TMEM177: variants seen among roughly 807,000 people sequenced by gnomAD.
TMEM177 encodes transmembrane protein 177.
A neutral mutation model predicts 14.2 loss-of-function variants in TMEM177; 4 were observed. That is an observed-to-expected ratio of 0.28 (90% CI 0.14 to 0.64). The LOEUF is 0.64. Among genes scored for constraint, TMEM177 ranks in the 30% least tolerant of loss-of-function variants. The pLI, the probability that TMEM177 is intolerant of heterozygous loss-of-function variation, is 0.82. For synonymous variants in TMEM177, 179 were observed against 174.5 expected (o/e 1.03, Z -0.20); for missense variants, 344 against 405.2 (o/e 0.85, Z 1.30).
At chr2:119,723,528 C>G in the TMEM177 span, among the ~76,000 whole-genome samples, 1 of 152,204 alleles carries the variant, frequency 6.6e-6, no homozygotes, top group East Asian at 1.9e-4. Flanking sequence ...CCAGGATCTG[C>G]TGATCAATTA....
At chr2:119,704,370 T>G in the TMEM177 span, among the ~76,000 whole-genome samples, 2 of 152,112 alleles carry the variant, frequency 1.3e-5, no homozygotes, top group Admixed American at 1.3e-4. Flanking sequence ...GAGGCTGAGG[T>G]GGGTGGATCA....
chr2:119,706,676 A>G, the TMEM177 span, among the ~76,000 whole-genome samples: 1 of 152,174 alleles, frequency 6.6e-6, no homozygotes, highest in Non-Finnish European at 1.5e-5. Context: ...AGTGGGTTAA[A>G]TAAGAGATTT....
downstream of TMEM177, among the ~76,000 whole-genome samples, chr2:119,683,658 C>G (rs796234873): frequency 1.1e-4 from 17 of 152,342 alleles, no homozygotes; most frequent in African/African-American, 3.4e-4. Context: ...CCCTCTGCTC[C>G]AAGTCACAGA....
chr2:119,703,809 A>G, the TMEM177 span, among the ~76,000 whole-genome samples: 2 of 152,182 alleles, frequency 1.3e-5, no homozygotes, highest in African/African-American at 2.4e-5. Flanking sequence ...CCAGGACTGC[A>G]GCTTCCACTG....
At chr2:119,721,275 T>G in the TMEM177 span, among the ~76,000 whole-genome samples, 11 of 152,216 alleles carry the variant, frequency 7.2e-5, no homozygotes, top group Admixed American at 4.6e-4. Context: ...GCCAATGGAA[T>G]GGCACTCTGA....
chr2:119,708,781 A>G, the TMEM177 span, among the ~76,000 whole-genome samples: 1 of 152,070 alleles, frequency 6.6e-6, no homozygotes, highest in African/African-American at 2.4e-5. Flanking sequence ...CTTCTCTCAC[A>G]GGGCACACAC....
the TMEM177 span, among the ~76,000 whole-genome samples, chr2:119,701,606 C>T: frequency 6.6e-6 from 1 of 152,180 alleles, no homozygotes; most frequent in Non-Finnish European, 1.5e-5. Flanking sequence ...CCAGTGAATC[C>T]CAGTGTAACC....
chr2:119,718,047 G>A, the TMEM177 span, among the ~76,000 whole-genome samples: 1 of 152,162 alleles, frequency 6.6e-6, no homozygotes, highest in African/African-American at 2.4e-5. Context: ...CAGCACCAAG[G>A]GAGTGGGGGC....
chr2:119,684,486 G>A (rs72834877), downstream of TMEM177, among the ~76,000 whole-genome samples: 1,646 of 152,328 alleles, frequency 0.011, 43 homozygotes, highest in Admixed American at 0.054. Context: ...ATCTGCAGTG[G>A]CAGGATCGTG....
the TMEM177 span, chr2:119,699,034 T>C: frequency 9.9e-6 from 2 of 201,160 alleles, no homozygotes; most frequent in Non-Finnish European, 2.1e-5. Context: ...ACTGCCCAGG[T>C]CATCAAGGGT....
chr2:119,723,045 T>C, the TMEM177 span, among the ~76,000 whole-genome samples: 3 of 152,234 alleles, frequency 2.0e-5, no homozygotes, highest in Non-Finnish European at 2.9e-5. Flanking sequence ...CCTAGTTTTC[T>C]CAGGCCTAAT....
rs1390036520 is a variant in TMEM177, at chr2:119,681,487, G to T, written c.634G>T (p.Gly212Cys). The T allele has an allele frequency of 7.4e-6, 12 of 1,613,462 alleles. No individual in the cohort carries two copies. Among genetic ancestry groups the T allele is most frequent in the Non-Finnish European group, 1.0e-5 (12 of 1,180,058 alleles). ...AAFSLVAAVA[G>C]FVAYAFSQDS... ...CTTCAGCTTGGTGGCAGCAGTGGCA[G>T]GCTTTGTGGCCTACGCCTTCTCCCA... Residue 212 changes from glycine (G) to cysteine (C), a missense_variant, in exon 2 of 2, where the codon GGC (glycine) becomes TGC (cysteine). Coordinates refer to ENST00000272521, the MANE Select transcript of TMEM177 (RefSeq NM_030577.3).
the TMEM177 span, among the ~76,000 whole-genome samples, chr2:119,716,599 G>C: frequency 6.6e-6 from 1 of 152,168 alleles, no homozygotes; most frequent in Admixed American, 6.5e-5. Context: ...TTGACTTGGA[G>C]CTCCACATGC....
At chr2:119,718,016 C>T in the TMEM177 span, among the ~76,000 whole-genome samples, 1 of 152,138 alleles carries the variant, frequency 6.6e-6, no homozygotes, top group Non-Finnish European at 1.5e-5. Flanking sequence ...CTGGTTCGTT[C>T]TGCTCTCCCT....
At chr2:119,717,626 T>TTTTTA in the TMEM177 span, among the ~76,000 whole-genome samples, 1 of 118,942 alleles carries the variant, frequency 8.4e-6, no homozygotes, top group African/African-American at 2.8e-5. Flanking sequence ...TTTTTTTTTT[T>TTTTTA]GAGACAGAGT....
At chr2:119,717,040 T>C in the TMEM177 span, among the ~76,000 whole-genome samples, 4 of 152,228 alleles carry the variant, frequency 2.6e-5, no homozygotes, top group Non-Finnish European at 5.9e-5. Context: ...CGTCAGTTTC[T>C]CTTTATGGTT....
downstream of TMEM177, among the ~76,000 whole-genome samples, chr2:119,683,757 T>TGTATGTGTGTGC (rs1688958378): frequency 6.6e-6 from 1 of 151,990 alleles, no homozygotes; most frequent in Non-Finnish European, 1.5e-5. Flanking sequence ...TCCAGCCGTG[T>TGTATGTGTGTGC]GTATGTGTGT....
the TMEM177 span, among the ~76,000 whole-genome samples, chr2:119,720,513 G>A: frequency 2.0e-5 from 3 of 151,320 alleles, no homozygotes; most frequent in African/African-American, 4.9e-5. Context: ...CAGATGATCC[G>A]CCCACCTCGG....
At chr2:119,717,461 T>C in the TMEM177 span, among the ~76,000 whole-genome samples, 2 of 152,172 alleles carry the variant, frequency 1.3e-5, no homozygotes, top group East Asian at 3.9e-4. Flanking sequence ...GCCCTGCCCA[T>C]AGTTATGAGT....
Sources: allele counts gnomAD v4.1 joint callset (sites outside exome capture counted in the v4.1 genomes callset), GRCh38; gene constraint gnomAD v4.1.1; transcripts MANE v1.5; gene names NCBI Gene and HGNC (gene_info 2026-07-23, HGNC 2026-07-21).